Variants in SRPRA observed in about 807,000 individuals in gnomAD.
The protein encoded by SRPRA is signal recognition particle receptor subunit alpha.
A neutral mutation model predicts 61.1 loss-of-function variants in SRPRA; 30 were observed. The ratio of observed to expected loss-of-function variants is 0.49; its 90% CI spans 0.37 to 0.67. SRPRA has a LOEUF of 0.67. Ranked by LOEUF, SRPRA falls within the 30% of genes least tolerant of loss-of-function variation. SRPRA has a pLI of 0.00. For missense variants in SRPRA, 759 were observed against 828.4 expected (o/e 0.92, Z 1.03); for synonymous variants, 324 against 299.7 (o/e 1.08, Z -0.84).
the SRPRA span, chr11:126,256,487 A>C: frequency 1.5e-6 from 2 of 1,372,026 alleles, no homozygotes; most frequent in Non-Finnish European, 2.0e-6. This position sits in a 1 kb window ranked among gnomAD's most constrained non-coding sequence, Gnocchi z 6.6. Context: ...CAGTCTGCTC[A>C]ACGTAGCATG....
At position 126,263,783 on chromosome 11, in the gene SRPRA, G is replaced by A. The variant is rs552212102; in HGVS notation, c.*133C>T. 87 of 1,287,768 alleles carry A rather than the reference G, an allele frequency of 6.8e-5. No individual in the cohort carries two copies. The African/African-American group carries it at 1.0e-3, about 15-fold the overall frequency. The allele number at this position is 1,287,768 out of a possible 1,614,324, so 79.8% of individuals were successfully genotyped here. On this transcript the variant is annotated 3_prime_UTR_variant, in exon 14 of 14. Coordinates refer to ENST00000332118, the MANE Select transcript of SRPRA (RefSeq NM_003139.4). ...GCTGAACGGGGAGTGGGGTTGGAAG[G>A]AGCCACAAGCCCCCTCACTCTGCCT... is the stretch of plus-strand genomic sequence containing the variant.
In SRPRA at chr11:126,266,506, A is replaced by G; in HGVS notation, c.810T>C (p.Pro270=). The part of the protein sequence containing the change: ...DYSTPTTNGT[P]EAALSEDINL... ...TGATGTCCTCAGACAAGGCAGCCTC[A>G]GGGGTTCCATTGGTGGTGGGAGTAC... The change falls in exon 6 of 14, where the codon CCT becomes CCC. Residue 270 remains proline, a synonymous_variant. Coordinates refer to ENST00000332118, the MANE Select transcript of SRPRA (RefSeq NM_003139.4). The G allele has an allele frequency of 6.2e-7, 1 of 1,614,184 alleles. No homozygotes were observed. Among genetic ancestry groups the G allele is most frequent in the South Asian group, 1.1e-5 (1 of 91,088 alleles).
At chr11:126,245,076 G>C in the SRPRA span, 1 of 152,228 alleles carries the variant, frequency 6.6e-6, no homozygotes, top group Non-Finnish European at 1.5e-5. Flanking sequence ...ATCTACTTGG[G>C]AGGCTGAGGC....
chr11:126,241,208 T>C, the SRPRA span: 5 of 677,268 alleles, frequency 7.4e-6, no homozygotes, highest in Non-Finnish European at 1.2e-5. Context: ...AATGTCTGTT[T>C]ATGGACCCTA....
rs751176559 is a variant in SRPRA at position 126,267,689 on chromosome 11, T to C, written c.225A>G (p.Thr75=). The C allele has an allele frequency of 6.2e-7, 1 of 1,613,962 alleles. No individual in the cohort carries two copies. The highest frequency in any genetic ancestry group is 8.5e-7 in the Non-Finnish European group (1 of 1,180,030). The part of the protein sequence containing the change: ...VFVVGFQKIL[T]LTYVDKLIDD... ...CTATCAATTTGTCTACATATGTCAGTGTCAGGATCTTCTGAAAACCAACCT... is the reference window on the plus strand; with the variant it reads ...CTATCAATTTGTCTACATATGTCAGCGTCAGGATCTTCTGAAAACCAACCT... The change falls in exon 3 of 14, where the codon ACA becomes ACG. Residue 75 remains threonine (T), a synonymous_variant. Coordinates refer to ENST00000332118, the MANE Select transcript of SRPRA (RefSeq NM_003139.4). The surrounding 1 kb of genome is among the most constrained non-coding windows in gnomAD (Gnocchi z 4.2).
At chr11:126,244,660 T>G in the SRPRA span, among the ~76,000 whole-genome samples, 1 of 152,082 alleles carries the variant, frequency 6.6e-6, no homozygotes, top group African/African-American at 2.4e-5. The surrounding 1 kb of genome is among the most constrained non-coding windows in gnomAD (Gnocchi z 4.5). Flanking sequence ...AAAAATTAGC[T>G]GAGCATGATG....
At chr11:126,257,002 C>A in the SRPRA span, 1 of 753,584 alleles carries the variant, frequency 1.3e-6, no homozygotes, top group Non-Finnish European at 2.2e-6. Flanking sequence ...TCAGGTTAGA[C>A]TAAAGTGCCA....
the SRPRA span, chr11:126,245,147 C>T: frequency 6.6e-6 from 1 of 152,130 alleles, no homozygotes; most frequent in Admixed American, 6.6e-5. Context: ...AGGGGACCAC[C>T]AGGTTGCCTA....
At chr11:126,259,347 T>C (rs187649052), downstream of SRPRA, among the ~76,000 whole-genome samples, 2 of 152,234 alleles carry the variant, frequency 1.3e-5, no homozygotes, top group African/African-American at 4.8e-5. Flanking sequence ...TAGTTACACA[T>C]ATTTTGGAAA....
chr11:126,267,038 T>A lies in SRPRA; in HGVS notation c.527-116A>T. ...TTTGGACCAAACATCTTGGAGTTCA[T>A]AAGGCCTGGGGATTATAGGATGGTG... is the stretch of plus-strand genomic sequence containing the variant. On this transcript the variant is annotated intron_variant, in intron 4 of 13. Transcript: ENST00000332118. This position sits in a 1 kb window ranked among gnomAD's most constrained non-coding sequence, Gnocchi z 4.2. 6.6e-7 allele frequency: 1 copy of A among 1,525,232 alleles called. No individual in the cohort carries two copies. Among genetic ancestry groups the A allele is most frequent in the East Asian group, 2.3e-5 (1 of 44,376 alleles). The allele number at this position is 1,525,232 out of a possible 1,614,324, so 94.5% of individuals were successfully genotyped here.
At chr11:126,240,265 C>T in the SRPRA span, among the ~76,000 whole-genome samples, 1 of 146,022 alleles carries the variant, frequency 6.8e-6, no homozygotes, top group African/African-American at 2.5e-5. Context: ...CTATTGGCCA[C>T]TTTTTTTTTC....
the SRPRA span, among the ~76,000 whole-genome samples, chr11:126,245,996 C>CAAA: frequency 7.3e-5 from 6 of 82,264 alleles, no homozygotes; most frequent in African/African-American, 2.4e-4. Flanking sequence ...GACTCCGTCC[C>CAAA]AAAAAAAAAA....
chr11:126,237,215 C>CTT, the SRPRA span, among the ~76,000 whole-genome samples: 13,225 of 42,796 alleles, frequency 0.31, 4,450 homozygotes, highest in East Asian at 0.62. Flanking sequence ...CGCGCCTGGC[C>CTT]TTTTTTTTTT....
At chr11:126,268,380 T>G (rs573296467) in intron 1 of SRPRA, among the ~76,000 whole-genome samples, 4 of 152,342 alleles carry the variant, frequency 2.6e-5, no homozygotes, top group African/African-American at 9.6e-5. Context: ...AAAGGTGTTT[T>G]CCCATCTGTT....
At chr11:126,249,392 T>G in the SRPRA span, among the ~76,000 whole-genome samples, 696 of 152,138 alleles carry the variant, frequency 4.6e-3, 4 homozygotes, top group African/African-American at 0.015. Context: ...AGTTAAGCAG[T>G]TTTTCCTAAA....
At chr11:126,250,430 T>G in the SRPRA span, 2 of 963,360 alleles carry the variant, frequency 2.1e-6, no homozygotes, top group South Asian at 3.0e-5. The surrounding 1 kb of genome is among the most constrained non-coding windows in gnomAD (Gnocchi z 5.1). Context: ...TTCCAAAATT[T>G]GTTACTGCTG....
At chr11:126,251,099 G>A in the SRPRA span, among the ~76,000 whole-genome samples, 1 of 152,196 alleles carries the variant, frequency 6.6e-6, no homozygotes, top group Non-Finnish European at 1.5e-5. Flanking sequence ...TATTGGAAAT[G>A]TATGAAAACT....
the SRPRA span, among the ~76,000 whole-genome samples, chr11:126,252,679 G>C: frequency 2.6e-5 from 4 of 152,076 alleles, no homozygotes; most frequent in Non-Finnish European, 1.5e-5. This position sits in a 1 kb window ranked among gnomAD's most constrained non-coding sequence, Gnocchi z 4.7. Flanking sequence ...GGCAGTCGAG[G>C]CTACAGTGAG....
Position 126,267,387 on chromosome 11 carries a change from T to A in SRPRA, c.366-52A>T, listed in dbSNP as rs776604926. 6.2e-7 allele frequency: 1 copy of A among 1,604,290 alleles called. No homozygotes were observed. The stretch of plus-strand genomic sequence containing the variant: ...TTTCTACCCCATGCAGAAGGAAAAA[T>A]AACGGTCCAGAGAAAGGACTCTCAC... On this transcript the variant is annotated intron_variant, in intron 3 of 13. Transcript: ENST00000332118. This position sits in a 1 kb window ranked among gnomAD's most constrained non-coding sequence, Gnocchi z 4.2.
Sources: allele counts gnomAD v4.1 joint callset (sites outside exome capture counted in the v4.1 genomes callset), GRCh38; gene constraint gnomAD v4.1.1; non-coding constraint Gnocchi (gnomAD v3.1); transcripts MANE v1.5; gene names NCBI Gene and HGNC (gene_info 2026-07-23, HGNC 2026-07-21).